Variants in ANK2 observed in about 807,000 individuals in gnomAD.
ANK2 encodes the protein ankyrin 2.
Under a neutral mutation model 360.5 loss-of-function variants are expected in ANK2, and 83 were observed. The ratio of observed to expected loss-of-function variants is 0.23; its 90% CI spans 0.19 to 0.28. The LOEUF (loss-of-function observed/expected upper bound fraction) is 0.28. Ranked by LOEUF, ANK2 falls within the 10% of genes least tolerant of loss-of-function variation. ANK2 has a pLI of 1.00. For synonymous variants in ANK2, 1,740 were observed against 1,759.5 expected (o/e 0.99, Z 0.28); for missense variants, 4,201 against 4,795.7 (o/e 0.88, Z 3.66).
intron 1 of ANK2, among the ~76,000 whole-genome samples, chr4:113,168,932 A>T (rs558541423): frequency 1.6e-4 from 24 of 152,154 alleles, no homozygotes; most frequent in Non-Finnish European, 3.1e-4. Context: ...GACAGACCAC[A>T]CCCAGTTCTG....
At chr4:112,957,674 C>T (rs1329733245) in intron 2 of ANK2, among the ~76,000 whole-genome samples, 4 of 146,608 alleles carry the variant, frequency 2.7e-5, no homozygotes, top group East Asian at 2.1e-4. Context: ...CCGGACGGGG[C>T]GGCTGGCTGG....
At chr4:112,901,449 A>T (rs1294480673) in intron 1 of ANK2, among the ~76,000 whole-genome samples, 3 of 152,216 alleles carry the variant, frequency 2.0e-5, no homozygotes, top group Non-Finnish European at 4.4e-5. Context: ...TTTTAAATAA[A>T]GTTTAGGGAG....
chr4:112,792,039 T>C, the ANK2 span, among the ~76,000 whole-genome samples: 6 of 140,190 alleles, frequency 4.3e-5, no homozygotes, highest in South Asian at 4.8e-4. Flanking sequence ...CTTTCTTTTT[T>C]TTTTTTTTTT....
intron 2 of ANK2, among the ~76,000 whole-genome samples, chr4:112,930,113 C>T (rs1221380513): frequency 1.3e-5 from 2 of 151,772 alleles, no homozygotes; most frequent in South Asian, 4.2e-4. Context: ...GAAATGAAAG[C>T]TCCCTTTTTT....
At chr4:113,319,817 G>A (rs1359530708) in intron 26 of ANK2, among the ~76,000 whole-genome samples, 3 of 152,040 alleles carry the variant, frequency 2.0e-5, no homozygotes. Context: ...TTACTAAAAA[G>A]ATACAACATT....
chr4:113,196,787 G>C (rs2098754230), intron 3 of ANK2, among the ~76,000 whole-genome samples: 1 of 152,140 alleles, frequency 6.6e-6, no homozygotes, highest in Non-Finnish European at 1.5e-5. Flanking sequence ...AAAGTGCTGG[G>C]ATTATAGGCG....
At chr4:113,042,688 A>C (rs1006022662) in intron 2 of ANK2, among the ~76,000 whole-genome samples, 4 of 152,094 alleles carry the variant, frequency 2.6e-5, no homozygotes, top group Admixed American at 6.6e-5. Context: ...CCATTCAACT[A>C]TGTGGGCCTC....
At chr4:113,054,455 A>G (rs2068604382) in intron 1 of ANK2, among the ~76,000 whole-genome samples, 1 of 152,222 alleles carries the variant, frequency 6.6e-6, no homozygotes, top group African/African-American at 2.4e-5. Context: ...ACATATTAAA[A>G]GGTTTATTTT....
At chr4:113,180,354 G>A (rs1341902195) in intron 2 of ANK2, among the ~76,000 whole-genome samples, 1 of 152,328 alleles carries the variant, frequency 6.6e-6, no homozygotes, top group East Asian at 1.9e-4. Context: ...TGATGATTAA[G>A]TGAAATGTTT....
chr4:113,138,409 G>A (rs1326376979), intron 1 of ANK2, among the ~76,000 whole-genome samples: 1 of 152,136 alleles, frequency 6.6e-6, no homozygotes, highest in Non-Finnish European at 1.5e-5. Context: ...TTGATTCTGT[G>A]TTTCAACACA....
chr4:113,028,392 C>G (rs753193799), intron 2 of ANK2, among the ~76,000 whole-genome samples: 17 of 152,138 alleles, frequency 1.1e-4, no homozygotes, highest in Non-Finnish European at 2.1e-4. Flanking sequence ...CTTGTTATCT[C>G]TCGTTCATGC....
chr4:113,091,345 G>A (rs1237509693), intron 1 of ANK2, among the ~76,000 whole-genome samples: 1 of 152,128 alleles, frequency 6.6e-6, no homozygotes, highest in Non-Finnish European at 1.5e-5. Flanking sequence ...AGGAATTTAG[G>A]CAAACTAACT....
chr4:112,736,427 C>T, the ANK2 span, among the ~76,000 whole-genome samples: 240 of 149,804 alleles, frequency 1.6e-3, 2 homozygotes, highest in African/African-American at 5.4e-3. Context: ...ATTGCTCCAC[C>T]GCACTCCAGC....
chr4:113,287,488 G>A (rs2065262343), intron 18 of ANK2, 117 bp from the exon 19 acceptor site: 1 of 814,094 alleles, frequency 1.2e-6, no homozygotes, highest in Non-Finnish European at 2.0e-6. Flanking sequence ...TTTCTGGGAA[G>A]AGGCTATGAG....
chr4:112,837,107 G>T (rs557738653), intron 1 of ANK2, among the ~76,000 whole-genome samples: 1 of 152,318 alleles, frequency 6.6e-6, no homozygotes, highest in South Asian at 2.1e-4. Context: ...GGTTTCATGG[G>T]CCAGGTCCAA....
intron 2 of ANK2, among the ~76,000 whole-genome samples, chr4:112,967,488 T>C (rs1486982121): frequency 6.6e-6 from 1 of 152,190 alleles, no homozygotes; most frequent in Non-Finnish European, 1.5e-5. Context: ...ATAATCAAAA[T>C]AGTAACTTAA....
Position 113,007,106 on chromosome 4 carries a change from A to C in ANK2, c.21+102592A>C, listed in dbSNP as rs114640663. On this transcript the variant is annotated intron_variant, in intron 2 of 30. Transcript: ENST00000503271. Reference sequence around the variant, plus strand: ...ACAGTGATATATTTTTTAAAAAATCAGTTATTTCTTTTTGGGTACATACTT... The same window carrying C: ...ACAGTGATATATTTTTTAAAAAATCCGTTATTTCTTTTTGGGTACATACTT... 6.4e-3 allele frequency among the ~76,000 whole-genome samples: 979 copies of C among 152,314 alleles called. 17 individuals are homozygous for C. The highest frequency in any genetic ancestry group is 0.022 in the African/African-American group (918 of 41,554).
At chr4:113,017,242 AG>A (rs1373057999) in intron 2 of ANK2, among the ~76,000 whole-genome samples, 14 of 152,150 alleles carry the variant, frequency 9.2e-5, no homozygotes, top group Admixed American at 9.2e-4. Flanking sequence ...TCCATTATAT[AG>A]CTTAATTTTC....
intron 2 of ANK2, among the ~76,000 whole-genome samples, chr4:112,974,682 C>G (rs2040729670): frequency 6.6e-6 from 1 of 152,110 alleles, no homozygotes; most frequent in South Asian, 2.1e-4. Context: ...CATTATTTCA[C>G]TTTGTAGGAA....
Sources: gnomAD v4.1 joint callset for allele counts (sites outside exome capture counted in the v4.1 genomes callset) on GRCh38, gnomAD v4.1.1 for gene constraint, MANE v1.5 for transcripts, NCBI Gene and HGNC (gene_info 2026-07-23, HGNC 2026-07-21) for gene names.